The following SLC4A4 variants were observed in gnomAD, a reference collection of about 807,000 sequenced individuals.
SLC4A4 encodes the protein solute carrier family 4 member 4, also known as electrogenic sodium bicarbonate cotransporter 1.
SLC4A4 carries 27 observed loss-of-function variants against 111.5 expected under a neutral mutation model. That is an observed-to-expected ratio of 0.24 (90% confidence interval 0.18 to 0.33). The LOEUF is 0.33. SLC4A4 is among the 10% of genes least tolerant of loss of function. The pLI, the probability that SLC4A4 is intolerant of heterozygous loss-of-function variation, is 1.00. For synonymous variants in SLC4A4, 443 were observed against 463.4 expected (o/e 0.96, Z 0.57); for missense variants, 909 against 1,315.5 (o/e 0.69, Z 4.78).
At position 71,451,200 on chromosome 4, in the gene SLC4A4, C is replaced by T. The variant is rs752922864; in HGVS notation, c.1221C>T (p.Tyr407=). 3 of 1,603,098 alleles carry T rather than the reference C, an allele frequency of 1.9e-6. No individual in the cohort carries two copies. The highest frequency in any genetic ancestry group is 1.1e-5 in the South Asian group (1 of 90,850). The change falls in exon 11 of 26, where the codon TAC becomes TAT. Residue 407 remains tyrosine (Y), a synonymous_variant. Transcript: ENST00000264485. ...LPSSDKRKNM[Y]SGGENVQMNG... is the part of the protein sequence containing the mutation. ...TTGTCTTGCTTAGAAAGAATATGTA[C>T]TCAGGTGGAGAGAATGTTCAGATGA...
intron 6 of SLC4A4, among the ~76,000 whole-genome samples, chr4:71,368,264 A>G (rs912566465): frequency 4.6e-5 from 7 of 152,202 alleles, no homozygotes; most frequent in African/African-American, 1.7e-4. Flanking sequence ...ACCATACTGT[A>G]TATGTAGCCT....
At chr4:71,528,580 T>C (rs1287432334) in intron 16 of SLC4A4, among the ~76,000 whole-genome samples, 1 of 152,114 alleles carries the variant, frequency 6.6e-6, no homozygotes, top group East Asian at 1.9e-4. Flanking sequence ...AATTTTTATA[T>C]AGACATTGAT....
intron 2 of SLC4A4, among the ~76,000 whole-genome samples, chr4:71,099,068 A>C (rs531573835): frequency 6.6e-6 from 1 of 152,160 alleles, no homozygotes; most frequent in Non-Finnish European, 1.5e-5. Context: ...AACATTAACA[A>C]AAATATTCAG....
At chr4:71,316,286 C>A (rs1050485875) in intron 3 of SLC4A4, among the ~76,000 whole-genome samples, 1 of 152,174 alleles carries the variant, frequency 6.6e-6, no homozygotes, top group East Asian at 1.9e-4. Context: ...AGTCTTGCTG[C>A]GCTTGAAGTT....
chr4:71,407,199 A>C (rs1720936603), intron 7 of SLC4A4, among the ~76,000 whole-genome samples: 1 of 152,150 alleles, frequency 6.6e-6, no homozygotes, highest in East Asian at 1.9e-4. Flanking sequence ...GGCAAACATC[A>C]TGCTGAATAG....
intron 2 of SLC4A4, among the ~76,000 whole-genome samples, chr4:71,093,968 G>C (rs1742462439): frequency 6.6e-6 from 1 of 152,010 alleles, no homozygotes; most frequent in South Asian, 2.1e-4. Context: ...TGGCTGATGA[G>C]ATTATTTAAC....
intron 3 of SLC4A4, among the ~76,000 whole-genome samples, chr4:71,291,567 T>C (rs1724356210): frequency 6.6e-6 from 1 of 152,064 alleles, no homozygotes; most frequent in African/African-American, 2.4e-5. Flanking sequence ...AGCCTCCCGA[T>C]TAGCAAGGAC....
chr4:71,340,882 T>C (rs1308678021), intron 4 of SLC4A4, among the ~76,000 whole-genome samples: 3 of 152,210 alleles, frequency 2.0e-5, no homozygotes, highest in Non-Finnish European at 4.4e-5. Flanking sequence ...AAATGCTTTG[T>C]AAATTGTTAA....
At chr4:71,200,465 A>G (rs963299287) in intron 1 of SLC4A4, among the ~76,000 whole-genome samples, 9 of 152,228 alleles carry the variant, frequency 5.9e-5, no homozygotes, top group Admixed American at 2.6e-4. Context: ...TATTCATTAT[A>G]TAATTCAGAC....
chr4:71,317,760 G>A (rs1006095051), intron 3 of SLC4A4, among the ~76,000 whole-genome samples: 1 of 151,934 alleles, frequency 6.6e-6, no homozygotes, highest in Admixed American at 6.6e-5. Flanking sequence ...GGACTTTATG[G>A]TCAGACAAAG....
Position 71,487,059 on chromosome 4 carries a change from C to T in SLC4A4, c.1974+41C>T, listed in dbSNP as rs375222890. The stretch of plus-strand genomic sequence containing the variant: ...TTTTAAATTACCTTCATACTGACTG[C>T]ATATTGTATACTTGTTTATAATACT... On this transcript the variant is annotated intron_variant, in intron 15 of 25. Coordinates refer to ENST00000264485, the MANE Select transcript of SLC4A4 (RefSeq NM_001098484.3). The T allele has an allele frequency of 2.6e-6, 3 of 1,145,042 alleles. No individual in the cohort carries two copies. The African/African-American group carries it at 4.6e-5, about 18-fold the overall frequency. The allele number at this position is 1,145,042 out of a possible 1,614,324, so 70.9% of individuals were successfully genotyped here.
intron 6 of SLC4A4, among the ~76,000 whole-genome samples, chr4:71,377,809 T>G (rs897139657): frequency 6.6e-6 from 1 of 152,186 alleles, no homozygotes; most frequent in African/African-American, 2.4e-5. Context: ...ATATTTCATT[T>G]GACATAGTGA....
rs369156746 is a variant in SLC4A4, at chr4:71,103,479, C to G, written c.-2+10687C>G. On this transcript the variant is annotated intron_variant, in intron 2 of 26. Coordinates refer to the SLC4A4 transcript ENST00000649996. ...TCAGCAGAATATACATTTTTTTCAG[C>G]ACCACACCACACCTATTCCAAAATT... Among the ~76,000 whole-genome samples the G allele has an allele frequency of 9.7e-3, 1,480 of 152,234 alleles. 8 individuals carry two copies. Among genetic ancestry groups the G allele is most frequent in the Non-Finnish European group, 0.014 (925 of 68,008 alleles).
At position 71,302,154 on chromosome 4, in the gene SLC4A4, GA is replaced by G. The variant is rs1230690036; in HGVS notation, c.254-37215del. 3.3e-5 allele frequency among the ~76,000 whole-genome samples: 5 copies of G among 152,184 alleles called. No homozygotes were observed. In the South Asian group the frequency reaches 6.2e-4, roughly 19 times the overall value. On this transcript the variant is annotated intron_variant, in intron 3 of 25. Transcript: ENST00000264485. ...TCTTCTGAGCTTTGGAAATAGAGAT[GA>G]TTTTTTTTCAGTCTTAGCAAAGGAA...
chr4:71,346,294 G>C (rs1354592811), intron 4 of SLC4A4, among the ~76,000 whole-genome samples: 1 of 151,886 alleles, frequency 6.6e-6, no homozygotes, highest in Non-Finnish European at 1.5e-5. Flanking sequence ...GGTTAAAACG[G>C]TTTTGTAATT....
At chr4:71,526,459 G>A (rs1221314588) in intron 16 of SLC4A4, among the ~76,000 whole-genome samples, 5 of 152,002 alleles carry the variant, frequency 3.3e-5, no homozygotes, top group Admixed American at 3.3e-4. Context: ...CTGTAATCCT[G>A]ACATGTATTA....
At chr4:71,124,979 G>A (rs1743523506) in intron 2 of SLC4A4, among the ~76,000 whole-genome samples, 1 of 152,226 alleles carries the variant, frequency 6.6e-6, no homozygotes, top group Non-Finnish European at 1.5e-5. Flanking sequence ...CTGTATGTCA[G>A]ATGATCATGT....
At chr4:71,091,554 G>A (rs1742389734) in intron 1 of SLC4A4, among the ~76,000 whole-genome samples, 2 of 151,916 alleles carry the variant, frequency 1.3e-5, no homozygotes, top group African/African-American at 4.8e-5. Flanking sequence ...CACCCGGCCT[G>A]GCCAGGAAAT....
At chr4:71,083,954 G>T (rs1411410681) in intron 1 of SLC4A4, among the ~76,000 whole-genome samples, 1 of 151,638 alleles carries the variant, frequency 6.6e-6, no homozygotes, top group Non-Finnish European at 1.5e-5. Flanking sequence ...TTCTATTTTG[G>T]TAGTGGGATC....
Sources: gnomAD v4.1 joint callset for allele counts (sites outside exome capture counted in the v4.1 genomes callset) on GRCh38, gnomAD v4.1.1 for gene constraint, MANE v1.5 for transcripts, NCBI Gene and HGNC (gene_info 2026-07-23, HGNC 2026-07-21) for gene names.